Variants in NOTCH2NLC observed in about 807,000 individuals in gnomAD.
The protein encoded by NOTCH2NLC is notch 2 N-terminal like C.
NOTCH2NLC carries 4 observed loss-of-function variants against 17.7 expected under a neutral mutation model. That is an observed-to-expected ratio of 0.23 (90% CI 0.11 to 0.52). The LOEUF (loss-of-function observed/expected upper bound fraction) is 0.52. NOTCH2NLC is among the 20% of genes least tolerant of loss of function. The pLI, the probability that NOTCH2NLC is intolerant of heterozygous loss-of-function variation, is 0.96. For synonymous variants in NOTCH2NLC, 18 were observed against 86.0 expected (o/e 0.21, Z 4.38); for missense variants, 57 against 207.2 (o/e 0.28, Z 4.45).
intron 2 of NOTCH2NLC, among the ~76,000 whole-genome samples, chr1:149,436,993 TAACTC>T (rs2084486281): frequency 8.3e-6 from 1 of 120,340 alleles, no homozygotes; most frequent in Non-Finnish European, 1.8e-5. Context: ...ATATAACAGA[TAACTC>T]AAGTCTGTGG....
In NOTCH2NLC at chr1:149,399,799, G is replaced by A. The variant is rs1326934387; in HGVS notation, c.135+8877G>A. Among the ~76,000 whole-genome samples the A allele has an allele frequency of 2.1e-5, 3 of 142,490 alleles. No individual in the cohort carries two copies. In the East Asian group the frequency reaches 6.1e-4, roughly 29 times the overall value. 93.5% of individuals were successfully genotyped at this position (142,490 alleles called of 152,430 possible). A position where few individuals can be genotyped will look rare whatever the true frequency, so the allele number is the denominator to read the frequency against. The stretch of plus-strand genomic sequence containing the variant: ...GGCTTCTCTGACATATTCTTTCTAA[G>A]AGAGTTAAGGAAAATAGTTGTAACT... On this transcript the variant is annotated intron_variant, in intron 1 of 4. Transcript: ENST00000650865.
At chr1:149,394,379 GTTTAACAC>G (rs1298490253) in intron 1 of NOTCH2NLC, among the ~76,000 whole-genome samples, 1 of 150,992 alleles carries the variant, frequency 6.6e-6, no homozygotes, top group Non-Finnish European at 1.5e-5. Flanking sequence ...TCATTCCAGT[GTTTAACAC>G]TTCTGACTCA....
At position 149,468,439 on chromosome 1, in the gene NOTCH2NLC, T is replaced by C. The variant is rs1462890595; in HGVS notation, c.*4286T>C. Among the ~76,000 whole-genome samples, 1 of 147,940 alleles carries C rather than the reference T, an allele frequency of 6.8e-6. No individual in the cohort carries two copies. Among genetic ancestry groups the C allele is most frequent in the Non-Finnish European group, 1.5e-5 (1 of 66,508 alleles). Reference sequence around the variant, plus strand: ...TATTCCCTACCCTCCAAGTGGATTGTAGACCTTCTAAGGTCTTTTGACATC... The same window carrying C: ...TATTCCCTACCCTCCAAGTGGATTGCAGACCTTCTAAGGTCTTTTGACATC... On this transcript the variant is annotated 3_prime_UTR_variant, in exon 5 of 5. Coordinates refer to ENST00000650865, the MANE Select transcript of NOTCH2NLC (RefSeq NM_001364013.2).
At chr1:149,446,643 T>C (rs2084555495) in intron 2 of NOTCH2NLC, among the ~76,000 whole-genome samples, 3 of 145,146 alleles carry the variant, frequency 2.1e-5, no homozygotes, top group South Asian at 4.5e-4. Flanking sequence ...GCTGAGACTT[T>C]TAAAGAAAAA....
chr1:149,461,143 C>T (rs2084647802), intron 3 of NOTCH2NLC, among the ~76,000 whole-genome samples: 1 of 150,070 alleles, frequency 6.7e-6, no homozygotes, highest in Non-Finnish European at 1.5e-5. Context: ...CCATGTTGGC[C>T]AGGCTGGTCT....
chr1:149,418,454 G>T (rs2084356963), intron 1 of NOTCH2NLC, among the ~76,000 whole-genome samples: 2 of 135,786 alleles, frequency 1.5e-5, no homozygotes, highest in Non-Finnish European at 3.2e-5. Context: ...GGCCCGAAGT[G>T]GTGAAACTGG....
intron 2 of NOTCH2NLC, among the ~76,000 whole-genome samples, chr1:149,449,395 A>ATTAC (rs2084576777): frequency 6.7e-6 from 1 of 148,450 alleles, no homozygotes; most frequent in Non-Finnish European, 1.5e-5. Flanking sequence ...TCTGATTATT[A>ATTAC]TTACTACTAT....
Position 149,429,247 on chromosome 1 carries a change from G to A in NOTCH2NLC, c.136-1695G>A, listed in dbSNP as rs1218391815. ...CCCAGCACTGCCACCAGCTAGTGGT[G>A]CGATGCCCCATAAAGAGGCCACTTA... On this transcript the variant is annotated intron_variant, in intron 1 of 4. Coordinates refer to ENST00000650865, the MANE Select transcript of NOTCH2NLC (RefSeq NM_001364013.2). 9.9e-5 allele frequency among the ~76,000 whole-genome samples: 15 copies of A among 150,904 alleles called. No individual in the cohort carries two copies. In the East Asian group the frequency reaches 2.9e-3, roughly 30 times the overall value.
rs1373721698 is a variant in NOTCH2NLC, at chr1:149,471,099, A to G, written c.*6946A>G. Among the ~76,000 whole-genome samples the G allele has an allele frequency of 2.0e-5, 3 of 147,182 alleles. No individual in the cohort carries two copies. The highest frequency in any genetic ancestry group is 4.5e-5 in the Non-Finnish European group (3 of 66,056). ...GATGATTTTCAACATCTTTTCATAT[A>G]CTTATTAGTCATTATGTATCTTCTT... On this transcript the variant is annotated 3_prime_UTR_variant, in exon 5 of 5. Transcript: ENST00000650865.
At chr1:149,419,221 T>C (rs2084364946) in intron 1 of NOTCH2NLC, among the ~76,000 whole-genome samples, 1 of 150,000 alleles carries the variant, frequency 6.7e-6, no homozygotes, top group Non-Finnish European at 1.5e-5. Context: ...TTGTTTCTTT[T>C]GATCCGAGAT....
chr1:149,412,140 AAC>A (rs1491210453), intron 1 of NOTCH2NLC, among the ~76,000 whole-genome samples: 5 of 147,962 alleles, frequency 3.4e-5, no homozygotes, highest in African/African-American at 9.9e-5. Context: ...ACAAAAAAAA[AAC>A]AAAAAAAAGT....
At chr1:149,426,629 G>A (rs1392240312) in intron 1 of NOTCH2NLC, among the ~76,000 whole-genome samples, 1 of 126,000 alleles carries the variant, frequency 7.9e-6, no homozygotes, top group Non-Finnish European at 1.6e-5. Flanking sequence ...TGCACAAACA[G>A]CAGATACACA....
chr1:149,419,369 A>G (rs2084365562), intron 1 of NOTCH2NLC, among the ~76,000 whole-genome samples: 1 of 150,024 alleles, frequency 6.7e-6, no homozygotes, highest in Admixed American at 6.7e-5. Context: ...TTCTGTGCTT[A>G]AAGACACAAA....
At chr1:149,454,798 A>C (rs1274005545) in intron 2 of NOTCH2NLC, among the ~76,000 whole-genome samples, 3 of 150,000 alleles carry the variant, frequency 2.0e-5, no homozygotes, top group African/African-American at 7.3e-5. Context: ...AGAAAGAAGC[A>C]CTTACTATTT....
At chr1:149,398,151 T>C (rs1303047089) in intron 1 of NOTCH2NLC, among the ~76,000 whole-genome samples, 5,729 of 151,252 alleles carry the variant, frequency 0.038, 342 homozygotes, top group Middle Eastern at 0.058. Context: ...AAAGGCGACC[T>C]CCAGCTCACC....
chr1:149,404,324 C>T (rs1372727071), intron 1 of NOTCH2NLC, among the ~76,000 whole-genome samples: 2 of 151,314 alleles, frequency 1.3e-5, no homozygotes, highest in East Asian at 2.0e-4. Context: ...ATCCCATTGT[C>T]TTTTATTGCA....
At chr1:149,434,331 A>G (rs1184101340) in intron 2 of NOTCH2NLC, among the ~76,000 whole-genome samples, 24 of 148,596 alleles carry the variant, frequency 1.6e-4, no homozygotes, top group African/African-American at 5.9e-4. Flanking sequence ...TTATGCAAAA[A>G]TAATGTGTAC....
chr1:149,437,714 C>T (rs1255682927), intron 2 of NOTCH2NLC, among the ~76,000 whole-genome samples: 12 of 151,570 alleles, frequency 7.9e-5, no homozygotes, highest in Middle Eastern at 6.8e-3. Flanking sequence ...CTGCCCGCCT[C>T]GGCCTCCCAA....
chr1:149,435,443 TTCTGTTCTGC>T (rs1464849173), intron 2 of NOTCH2NLC, among the ~76,000 whole-genome samples: 2 of 148,326 alleles, frequency 1.3e-5, no homozygotes, highest in Admixed American at 6.8e-5. Context: ...GTGGGCCTAC[TTCTGTTCTGC>T]CCTTAGTCCG....
Sources: allele counts gnomAD v4.1 joint callset (sites outside exome capture counted in the v4.1 genomes callset), GRCh38; gene constraint gnomAD v4.1.1; transcripts MANE v1.5; gene names NCBI Gene and HGNC (gene_info 2026-07-23, HGNC 2026-07-21).